EYA4: variants seen among roughly 807,000 people sequenced by gnomAD.
EYA4 encodes the protein protein phosphatase EYA4.
A neutral mutation model predicts 87.9 loss-of-function variants in EYA4; 31 were observed. That is an observed-to-expected ratio of 0.35 (90% CI 0.27 to 0.48). The LOEUF is 0.48. Among genes scored for constraint, EYA4 ranks in the 20% least tolerant of loss-of-function variants. The pLI is 0.99. For synonymous variants in EYA4, 263 were observed against 270.6 expected, an observed-to-expected ratio of 0.97 and a Z score of 0.28; for missense variants, 678 against 761.4, an observed-to-expected ratio of 0.89 and a Z score of 1.29.
chr6:133,443,713 T>C (rs12663756), intron 3 of EYA4, among the ~76,000 whole-genome samples: 9,054 of 152,250 alleles, frequency 0.059, 469 homozygotes, highest in East Asian at 0.23. Flanking sequence ...TGATTTGATC[T>C]TTTCATTATC....
intron 2 of EYA4, among the ~76,000 whole-genome samples, chr6:133,369,709 T>A (rs1785123883): frequency 6.6e-6 from 1 of 152,220 alleles, no homozygotes. Flanking sequence ...TGCCATAAAG[T>A]GTTTCTCCTA....
chr6:133,249,879 A>C lies in EYA4; in HGVS notation c.-66+8130A>C, dbSNP rs75300491. Among the ~76,000 whole-genome samples the C allele has an allele frequency of 8.6e-3, 1,308 of 152,340 alleles. 20 individuals carry two copies. The highest frequency in any genetic ancestry group is 0.03 in the African/African-American group (1,227 of 41,580). On this transcript the variant is annotated intron_variant, in intron 1 of 19. Transcript: ENST00000355286. ...ACATTGAAATGTAATAGATTACATT[A>C]GTCTAAATCCTGCTTTAAGCTGAGA... is the stretch of plus-strand genomic sequence containing the variant.
Position 133,306,957 on chromosome 6 carries a change from C to T in EYA4, c.33+32144C>T, listed in dbSNP as rs545010236. ...TTTTTTTGTTATTTTTGTAGTGGGGCATTTATTGCACACACAGTAAGTGTT... is the reference window on the plus strand; with the variant it reads ...TTTTTTTGTTATTTTTGTAGTGGGGTATTTATTGCACACACAGTAAGTGTT... On this transcript the variant is annotated intron_variant, in intron 2 of 19. Transcript: ENST00000355286. Among the ~76,000 whole-genome samples, 11 of 152,266 alleles carry T rather than the reference C, an allele frequency of 7.2e-5. 1 individual carries two copies. The East Asian group carries it at 2.1e-3, about 29-fold the overall frequency.
intron 3 of EYA4, among the ~76,000 whole-genome samples, chr6:133,436,240 A>T (rs1038496883): frequency 4.9e-4 from 74 of 151,752 alleles, no homozygotes; most frequent in African/African-American, 1.6e-3. Context: ...AAAAAAAAAG[A>T]AATTTCCACA....
chr6:133,322,870 C>T (rs910348291), intron 2 of EYA4, among the ~76,000 whole-genome samples: 3 of 152,150 alleles, frequency 2.0e-5, no homozygotes, highest in African/African-American at 7.2e-5. Flanking sequence ...ACATTTCAGA[C>T]TTTCTATGAG....
chr6:133,326,350 T>C (rs889410053), intron 2 of EYA4, among the ~76,000 whole-genome samples: 4 of 152,196 alleles, frequency 2.6e-5, no homozygotes, highest in African/African-American at 9.7e-5. Flanking sequence ...TGAGCATCAA[T>C]ATGACTGTCA....
At chr6:133,521,927 G>T (rs1393689842) in intron 17 of EYA4, among the ~76,000 whole-genome samples, 25 of 137,048 alleles carry the variant, frequency 1.8e-4, no homozygotes, top group Non-Finnish European at 3.1e-4. Context: ...AGATCACATG[G>T]ACACAGGAAG....
intron 11 of EYA4, among the ~76,000 whole-genome samples, chr6:133,476,144 T>C (rs189584440): frequency 2.6e-5 from 4 of 152,202 alleles, no homozygotes; most frequent in African/African-American, 9.6e-5. Context: ...TAAAAAGAAA[T>C]TGTATCTATT....
intron 1 of EYA4, among the ~76,000 whole-genome samples, chr6:133,250,679 G>T (rs932260372): frequency 3.9e-4 from 59 of 151,820 alleles, no homozygotes; most frequent in African/African-American, 1.4e-3. Context: ...GAAGAATATG[G>T]AGCCAGGCAC....
intron 2 of EYA4, among the ~76,000 whole-genome samples, chr6:133,297,374 CT>C (rs1429606686): frequency 1.3e-5 from 2 of 152,190 alleles, no homozygotes; most frequent in African/African-American, 4.8e-5. Context: ...ATATTGCGGG[CT>C]TGTGGTTAGG....
chr6:133,450,822 A>T (rs1375684899), intron 5 of EYA4, among the ~76,000 whole-genome samples: 1 of 152,160 alleles, frequency 6.6e-6, no homozygotes, highest in East Asian at 1.9e-4. Context: ...AATTTTTTTT[A>T]ATTGATATAA....
At chr6:133,294,292 C>T (rs1382749205) in intron 2 of EYA4, among the ~76,000 whole-genome samples, 2 of 149,878 alleles carry the variant, frequency 1.3e-5, no homozygotes, top group Non-Finnish European at 3.0e-5. Context: ...ATGCTTTAGT[C>T]CACTGAGGAA....
In EYA4 at chr6:133,506,061, C is replaced by T. The variant is rs376722098; in HGVS notation, c.1192-45C>T. ...TGCTTAAAATATTTTTAATAATAAG[C>T]GCTTACTGAAATTTTACCTCATTAT... is the stretch of plus-strand genomic sequence containing the variant. On this transcript the variant is annotated intron_variant, in intron 13 of 19. Coordinates refer to ENST00000355286, the MANE Select transcript of EYA4 (RefSeq NM_004100.5). 1.2e-4 allele frequency: 125 copies of T among 1,076,030 alleles called. No homozygotes were observed. In the Admixed American group the frequency reaches 1.2e-3, roughly 11 times the overall value. 66.7% of individuals were successfully genotyped at this position (1,076,030 alleles called of 1,614,324 possible). A position where few individuals can be genotyped will look rare whatever the true frequency, so the allele number is the denominator to read the frequency against.
intron 1 of EYA4, among the ~76,000 whole-genome samples, chr6:133,258,529 C>T (rs1775534609): frequency 6.6e-6 from 1 of 152,124 alleles, no homozygotes; most frequent in Non-Finnish European, 1.5e-5. Flanking sequence ...CTAGCAACTT[C>T]CCTCAGTCCA....
chr6:133,304,718 T>G (rs1779673724), intron 2 of EYA4, among the ~76,000 whole-genome samples: 1 of 152,194 alleles, frequency 6.6e-6, no homozygotes, highest in Non-Finnish European at 1.5e-5. Context: ...ACCTTCTCTG[T>G]TTTTCTCACA....
chr6:133,387,116 A>G (rs1035367250), intron 3 of EYA4, among the ~76,000 whole-genome samples: 1 of 152,208 alleles, frequency 6.6e-6, no homozygotes, highest in African/African-American at 2.4e-5. Context: ...CAGGGAGTTT[A>G]TCTATTCAAT....
At chr6:133,515,925 GA>G (rs1799561027) in intron 17 of EYA4, among the ~76,000 whole-genome samples, 1 of 152,076 alleles carries the variant, frequency 6.6e-6, no homozygotes, top group Non-Finnish European at 1.5e-5. Flanking sequence ...GAAAGCTCTT[GA>G]AAAAATTCTA....
intron 2 of EYA4, among the ~76,000 whole-genome samples, chr6:133,345,418 T>C (rs1159515233): frequency 6.6e-6 from 1 of 152,150 alleles, no homozygotes; most frequent in Non-Finnish European, 1.5e-5. Context: ...TGCATAGACA[T>C]ATGTACACAA....
intron 1 of EYA4, among the ~76,000 whole-genome samples, chr6:133,268,466 AT>A (rs1776407656): frequency 6.6e-6 from 1 of 152,180 alleles, no homozygotes; most frequent in Non-Finnish European, 1.5e-5. Context: ...CACTTGGCTA[AT>A]TTGTTATCAA....
Sources: gnomAD v4.1 joint callset for allele counts (sites outside exome capture counted in the v4.1 genomes callset) on GRCh38, gnomAD v4.1.1 for gene constraint, MANE v1.5 for transcripts, NCBI Gene and HGNC (gene_info 2026-07-23, HGNC 2026-07-21) for gene names.